Variants in CDK1 observed in about 807,000 individuals in gnomAD.
CDK1 encodes cyclin dependent kinase 1.
CDK1 carries 5 observed loss-of-function variants against 34.6 expected under a neutral mutation model. That is an observed-to-expected ratio of 0.14 (90% CI 0.08 to 0.30). CDK1 has a LOEUF of 0.30. Among genes scored for constraint, CDK1 ranks in the 10% least tolerant of loss-of-function variants. The pLI is 1.00. For missense variants in CDK1, 157 were observed against 345.7 expected (o/e 0.45, Z 4.33); for synonymous variants, 108 against 114.7 (o/e 0.94, Z 0.37).
intron 1 of CDK1, among the ~76,000 whole-genome samples, chr10:60,779,557 C>T (rs1171076495): frequency 6.6e-6 from 1 of 152,102 alleles, no homozygotes; most frequent in Non-Finnish European, 1.5e-5. Context: ...CCTTGAAAGT[C>T]TTGAGCATGT....
At chr10:60,793,138 C>T (rs1336231701) in intron 7 of CDK1, among the ~76,000 whole-genome samples, 3 of 152,048 alleles carry the variant, frequency 2.0e-5, no homozygotes, top group South Asian at 2.1e-4. Flanking sequence ...TACTTCCCTT[C>T]GAGCCTCAAT....
rs1379835982 is a variant in CDK1 at position 60,794,845 on chromosome 10, A to C, written c.*870A>C. 1 of 152,178 alleles carries C rather than the reference A, an allele frequency of 6.6e-6. No individual in the cohort carries two copies. The highest frequency in any genetic ancestry group is 2.1e-4 in the South Asian group (1 of 4,826). The allele number at this position is 152,178 out of a possible 1,614,324, so 9.4% of individuals were successfully genotyped here. A position where few individuals can be genotyped will look rare whatever the true frequency, so the allele number is the denominator to read the frequency against. ...CTAGCTTTGGGAATTAAACTGTTTA[A>C]CAAATAATGCTGCTCATTGTGATTC... On this transcript the variant is annotated 3_prime_UTR_variant, in exon 8 of 8. Coordinates refer to ENST00000395284, the MANE Select transcript of CDK1 (RefSeq NM_001786.5).
At chr10:60,793,785 G>T (rs2132077273) in intron 7 of CDK1, 92 bp from the exon 8 acceptor site, 1 of 659,048 alleles carries the variant, frequency 1.5e-6, no homozygotes, top group Non-Finnish European at 2.6e-6. Context: ...ATTAGTTTTG[G>T]TTTATTGCTA....
chr10:60,779,146 ACT>A (rs3213022), intron 1 of CDK1, among the ~76,000 whole-genome samples: 48,331 of 151,998 alleles, frequency 0.32, 8,173 homozygotes, highest in East Asian at 0.66. Flanking sequence ...CAGGCACTTA[ACT>A]CTCATGAGCA....
chr10:60,779,305 AG>A (rs1439901273), intron 1 of CDK1, among the ~76,000 whole-genome samples: 1 of 152,120 alleles, frequency 6.6e-6, no homozygotes, highest in Non-Finnish European at 1.5e-5. Flanking sequence ...GATGGGTGTT[AG>A]AAAAATCTAG....
intron 7 of CDK1, among the ~76,000 whole-genome samples, chr10:60,793,081 G>A (rs912575469): frequency 1.3e-5 from 2 of 151,994 alleles, no homozygotes; most frequent in Non-Finnish European, 2.9e-5. Context: ...ATTAAACTTG[G>A]TTTCAAATTT....
In CDK1 at chr10:60,794,413, C is replaced by T. The variant is rs2080383977; in HGVS notation, c.*438C>T. ...TCTTGCCATGTTGTTAACTATACAACCTGGCTAAAGATGAATATTTTTCTA... is the reference window on the plus strand; with the variant it reads ...TCTTGCCATGTTGTTAACTATACAATCTGGCTAAAGATGAATATTTTTCTA... On this transcript the variant is annotated 3_prime_UTR_variant, in exon 8 of 8. Transcript: ENST00000395284. 1 of 152,254 alleles carries T rather than the reference C, an allele frequency of 6.6e-6. No individual in the cohort carries two copies. The highest frequency in any genetic ancestry group is 2.4e-5 in the African/African-American group (1 of 41,404). The allele number at this position is 152,254 out of a possible 1,614,324, so 9.4% of individuals were successfully genotyped here. A position where few individuals can be genotyped will look rare whatever the true frequency, so the allele number is the denominator to read the frequency against.
rs1020221812 is a variant in CDK1, at chr10:60,794,150, A to G, written c.*175A>G. 2 of 430,430 alleles carry G rather than the reference A, an allele frequency of 4.6e-6. No individual in the cohort carries two copies. The highest frequency in any genetic ancestry group is 4.2e-5 in the African/African-American group (2 of 47,872). 26.7% of individuals were successfully genotyped at this position (430,430 alleles called of 1,614,324 possible). A position where few individuals can be genotyped will look rare whatever the true frequency, so the allele number is the denominator to read the frequency against. ...GTAAATATTCTATATGAATTTAAAT[A>G]TAATTCTGTAAATGTGTGTAGGTCT... On this transcript the variant is annotated 3_prime_UTR_variant, in exon 8 of 8. Transcript: ENST00000395284.
At chr10:60,785,163 GCTC>G (rs2080304922) in intron 3 of CDK1, among the ~76,000 whole-genome samples, 1 of 151,950 alleles carries the variant, frequency 6.6e-6, no homozygotes, top group African/African-American at 2.4e-5. Context: ...TACTTGGGGA[GCTC>G]TAGTTCCTGA....
chr10:60,783,245 A>G (rs995331804), intron 2 of CDK1, among the ~76,000 whole-genome samples: 2 of 152,174 alleles, frequency 1.3e-5, no homozygotes, highest in Non-Finnish European at 2.9e-5. Flanking sequence ...ATGTAGAGTA[A>G]TTTTGGTTAT....
chr10:60,789,861 CCCA>C (rs2080344554), intron 5 of CDK1, among the ~76,000 whole-genome samples: 1 of 152,154 alleles, frequency 6.6e-6, no homozygotes, highest in Non-Finnish European at 1.5e-5. Flanking sequence ...AATTTAAGAG[CCCA>C]CCAACAGTGC....
Position 60,793,958 on chromosome 10 carries a change from C to A in CDK1, c.877C>A (p.Gln293Lys). 6.5e-7 allele frequency: 1 copy of A among 1,528,528 alleles called. No individual in the cohort carries two copies. The highest frequency in any genetic ancestry group is 8.8e-7 in the Non-Finnish European group (1 of 1,139,998). 94.7% of individuals were successfully genotyped at this position (1,528,528 alleles called of 1,614,324 possible). ...NHPYFNDLDN[Q>K]IKKM ...TCCATATTTTAATGATTTGGACAAT[C>A]AGATTAAGAAGATGTAGCTTTCTGA... Residue 293 changes from glutamine to lysine, a missense_variant, in exon 8 of 8, where the codon CAG (glutamine) becomes AAG (lysine). Gln to Lys is a moderately conservative substitution (Grantham distance 53, BLOSUM62 1). Transcript: ENST00000395284.
In CDK1 at chr10:60,788,164, A is replaced by G. The variant is rs755795482; in HGVS notation, c.423A>G (p.Thr141=). The change falls in exon 5 of 8, where the codon ACA becomes ACG. Residue 141 remains threonine, a synonymous_variant. Transcript: ENST00000395284. The stretch of plus-strand genomic sequence containing the variant: ...ATCTCTTGATTGATGACAAAGGAAC[A>G]ATTAAACTGGCTGATTTTGGCCTTG... ...PQNLLIDDKG[T]IKLADFGLAR... The G allele has an allele frequency of 6.2e-7, 1 of 1,611,780 alleles. No individual in the cohort carries two copies. Among genetic ancestry groups the G allele is most frequent in the Non-Finnish European group, 8.5e-7 (1 of 1,178,504 alleles).
intron 2 of CDK1, chr10:60,783,540 C>T (rs1051983125): frequency 1.3e-5 from 2 of 152,118 alleles, no homozygotes; most frequent in East Asian, 3.9e-4. Flanking sequence ...TAGAACAGTG[C>T]ACTCTAATCA....
intron 5 of CDK1, among the ~76,000 whole-genome samples, chr10:60,791,415 G>A (rs1295692912): frequency 6.6e-6 from 1 of 152,052 alleles, no homozygotes; most frequent in Non-Finnish European, 1.5e-5. Context: ...AGTCTTTTAA[G>A]TTTTTCTATA....
intron 4 of CDK1, chr10:60,786,327 TAAAG>T (rs1407402247): frequency 1.7e-5 from 16 of 938,340 alleles, no homozygotes; most frequent in East Asian, 1.2e-4. Context: ...TGTATGTATA[TAAAG>T]ATTTTTTTTT....
intron 4 of CDK1, among the ~76,000 whole-genome samples, chr10:60,787,297 A>T (rs2080324409): frequency 6.6e-6 from 1 of 152,086 alleles, no homozygotes; most frequent in Non-Finnish European, 1.5e-5. Flanking sequence ...GAGCACAATT[A>T]AGGTGGGCTA....
chr10:60,783,852 G>A (rs1589110790), intron 2 of CDK1, among the ~76,000 whole-genome samples: 3 of 151,210 alleles, frequency 2.0e-5, no homozygotes, highest in South Asian at 4.2e-4. Context: ...TTCCTAATAT[G>A]TAGTACATAC....
At chr10:60,785,123 C>T (rs759022200) in intron 3 of CDK1, among the ~76,000 whole-genome samples, 14 of 152,046 alleles carry the variant, frequency 9.2e-5, no homozygotes, top group Non-Finnish European at 1.6e-4. Context: ...GGAGTAAAGC[C>T]GTTTTCATAG....
Sources: allele counts gnomAD v4.1 joint callset (sites outside exome capture counted in the v4.1 genomes callset), GRCh38; gene constraint gnomAD v4.1.1; transcripts MANE v1.5; gene names NCBI Gene and HGNC (gene_info 2026-07-23, HGNC 2026-07-21).